The following KCNT2 variants were observed in gnomAD, a reference collection of about 807,000 sequenced individuals.
KCNT2 encodes potassium sodium-activated channel subfamily T member 2.
KCNT2 carries 67 observed loss-of-function variants against 153.8 expected under a neutral mutation model. That is an observed-to-expected ratio of 0.44 (90% CI 0.36 to 0.53). KCNT2 has a LOEUF of 0.53. Ranked by LOEUF, KCNT2 falls within the 20% of genes least tolerant of loss-of-function variation. The pLI is 0.00. For synonymous variants in KCNT2, 500 were observed against 458.8 expected (o/e 1.09, Z -1.15); for missense variants, 975 against 1,354.8 (o/e 0.72, Z 4.40).
At chr1:196,348,693 A>G (rs1666348764) in intron 14 of KCNT2, among the ~76,000 whole-genome samples, 1 of 152,122 alleles carries the variant, frequency 6.6e-6, no homozygotes, top group South Asian at 2.1e-4. Context: ...ATTTTAAAAA[A>G]CCAAATGGAG....
chr1:196,589,430 T>C (rs1048343317), intron 1 of KCNT2, among the ~76,000 whole-genome samples: 5 of 152,078 alleles, frequency 3.3e-5, no homozygotes, highest in African/African-American at 1.2e-4. Flanking sequence ...CAAAAATATA[T>C]TTTTAAGATA....
At chr1:196,583,018 T>C (rs1662251845) in intron 1 of KCNT2, among the ~76,000 whole-genome samples, 1 of 152,054 alleles carries the variant, frequency 6.6e-6, no homozygotes, top group African/African-American at 2.4e-5. Context: ...TAGGTGAATA[T>C]CATGTGACAT....
intron 1 of KCNT2, among the ~76,000 whole-genome samples, chr1:196,537,821 C>T (rs1187388783): frequency 2.6e-5 from 4 of 152,158 alleles, no homozygotes; most frequent in Admixed American, 6.5e-5. Context: ...GTGTGTCACT[C>T]GTTGGGGCAT....
chr1:196,395,089 T>C (rs1349980107), intron 13 of KCNT2, among the ~76,000 whole-genome samples: 2 of 151,380 alleles, frequency 1.3e-5, no homozygotes, highest in African/African-American at 4.8e-5. Context: ...TTTAACATAA[T>C]GATCTATTTC....
intron 26 of KCNT2, among the ~76,000 whole-genome samples, chr1:196,255,339 C>T (rs911587461): frequency 2.0e-5 from 3 of 151,506 alleles, no homozygotes; most frequent in South Asian, 4.2e-4. Context: ...ATGTGACTTG[C>T]CAAAGAACAC....
intron 27 of KCNT2, among the ~76,000 whole-genome samples, chr1:196,234,952 G>A (rs1187629678): frequency 6.6e-6 from 1 of 151,294 alleles, no homozygotes; most frequent in Non-Finnish European, 1.5e-5. Context: ...TATCTCAAGG[G>A]AAGATTCTTG....
intron 25 of KCNT2, among the ~76,000 whole-genome samples, chr1:196,262,412 A>T (rs1657113638): frequency 6.6e-6 from 1 of 152,008 alleles, no homozygotes; most frequent in Non-Finnish European, 1.5e-5. Context: ...GTGCTATTTA[A>T]TTTATGATTG....
chr1:196,254,648 A>C (rs918004272), intron 26 of KCNT2, among the ~76,000 whole-genome samples: 2 of 151,702 alleles, frequency 1.3e-5, no homozygotes, highest in African/African-American at 4.8e-5. Context: ...TCTTATTATT[A>C]CTACTACCAC....
At chr1:196,327,288 A>T (rs1663958185) in intron 18 of KCNT2, among the ~76,000 whole-genome samples, 1 of 152,046 alleles carries the variant, frequency 6.6e-6, no homozygotes, top group Middle Eastern at 3.2e-3. Context: ...CTGAATGCTT[A>T]AAGCGATGAA....
chr1:196,495,701 C>A (rs1680198842), intron 1 of KCNT2, among the ~76,000 whole-genome samples: 1 of 152,154 alleles, frequency 6.6e-6, no homozygotes, highest in South Asian at 2.1e-4. Flanking sequence ...CAAATCTGCT[C>A]TCATCACTTT....
At chr1:196,495,694 A>G (rs1450569577) in intron 1 of KCNT2, among the ~76,000 whole-genome samples, 1 of 152,160 alleles carries the variant, frequency 6.6e-6, no homozygotes, top group Non-Finnish European at 1.5e-5. Context: ...TTTATGGCAA[A>G]TCTGCTCTCA....
intron 13 of KCNT2, among the ~76,000 whole-genome samples, chr1:196,389,528 T>C (rs1431309714): frequency 6.6e-6 from 1 of 151,712 alleles, no homozygotes; most frequent in Non-Finnish European, 1.5e-5. Context: ...ATGGGGTGCT[T>C]CATTTTGGTA....
chr1:196,525,570 C>T (rs1230687408), intron 1 of KCNT2, among the ~76,000 whole-genome samples: 1 of 152,110 alleles, frequency 6.6e-6, no homozygotes, highest in African/African-American at 2.4e-5. Flanking sequence ...TGTATATGGG[C>T]CTGCTCTAGA....
chr1:196,409,854 G>A (rs1376740703), intron 12 of KCNT2, among the ~76,000 whole-genome samples: 1 of 151,180 alleles, frequency 6.6e-6, no homozygotes, highest in Non-Finnish European at 1.5e-5. Flanking sequence ...TCTATTTTAG[G>A]TTTTTGAAAA....
intron 1 of KCNT2, among the ~76,000 whole-genome samples, chr1:196,578,404 C>A (rs1268946178): frequency 6.6e-6 from 1 of 152,082 alleles, no homozygotes; most frequent in Non-Finnish European, 1.5e-5. Context: ...AGAATGGCTG[C>A]AAAGTCTCTT....
intron 21 of KCNT2, among the ~76,000 whole-genome samples, chr1:196,306,718 T>G (rs1309644151): frequency 1.3e-5 from 2 of 150,962 alleles, no homozygotes; most frequent in African/African-American, 2.4e-5. Context: ...AGAGTTTTGG[T>G]TTTTTTTTGT....
chr1:196,446,750 G>A (rs1229167890), intron 8 of KCNT2, among the ~76,000 whole-genome samples: 1 of 151,444 alleles, frequency 6.6e-6, no homozygotes, highest in Non-Finnish European at 1.5e-5. Flanking sequence ...AACTAAACCA[G>A]TAATAGTTAT....
intron 8 of KCNT2, among the ~76,000 whole-genome samples, chr1:196,433,974 C>T (rs1251414426): frequency 6.6e-6 from 1 of 151,756 alleles, no homozygotes; most frequent in Non-Finnish European, 1.5e-5. Context: ...TTTCCTTTTT[C>T]TTTTTTCACT....
At chr1:196,462,791 A>C (rs576953320) in intron 8 of KCNT2, among the ~76,000 whole-genome samples, 16 of 151,894 alleles carry the variant, frequency 1.1e-4, no homozygotes, top group African/African-American at 2.6e-4. Context: ...ACTAATGTAC[A>C]TGTGGACTTT....
Sources: gnomAD v4.1 joint callset for allele counts (sites outside exome capture counted in the v4.1 genomes callset) on GRCh38, gnomAD v4.1.1 for gene constraint, MANE v1.5 for transcripts, NCBI Gene and HGNC (gene_info 2026-07-23, HGNC 2026-07-21) for gene names.